The following LYRM4 variants were observed in gnomAD, a reference collection of about 807,000 sequenced individuals.
LYRM4 encodes the protein LYR motif-containing protein 4.
In LYRM4, 9 loss-of-function variants were observed where a neutral mutation model predicts 11.7. The ratio of observed to expected loss-of-function variants is 0.77; its 90% CI spans 0.46 to 1.34. The LOEUF is 1.34. Among genes scored for constraint, LYRM4 ranks in the 40% most tolerant of loss-of-function variants. The pLI is 0.00. For synonymous variants in LYRM4, 42 were observed against 40.4 expected (o/e 1.04, Z -0.15); for missense variants, 133 against 112.5 (o/e 1.18, Z -0.82).
chr6:5,120,377 T>C (rs1261022500), intron 2 of LYRM4, among the ~76,000 whole-genome samples: 1 of 152,180 alleles, frequency 6.6e-6, no homozygotes, highest in African/African-American at 2.4e-5. Context: ...TGCTTTGTAG[T>C]GTGCCCGGAG....
At chr6:5,160,756 A>C (rs1373087988) in intron 2 of LYRM4, among the ~76,000 whole-genome samples, 1 of 152,130 alleles carries the variant, frequency 6.6e-6, no homozygotes, top group African/African-American at 2.4e-5. Flanking sequence ...CTAATACACC[A>C]GGTAGGGTGG....
chr6:5,181,050 T>G (rs573433055), intron 2 of LYRM4, among the ~76,000 whole-genome samples: 13 of 152,364 alleles, frequency 8.5e-5, no homozygotes, highest in African/African-American at 3.1e-4. Flanking sequence ...TTCATTTAAT[T>G]TTTTGAAAGG....
Position 5,245,114 on chromosome 6 carries a change from ATAT to A in LYRM4, c.86+15531_86+15533del, listed in dbSNP as rs1341957328. ...TAAAAAAAAAAAAAAAAAAAAAAAA[ATAT>A]ATATATATATATATATATATATATA... On this transcript the variant is annotated intron_variant, in intron 1 of 2. Coordinates refer to ENST00000330636, the MANE Select transcript of LYRM4 (RefSeq NM_020408.6). Among the ~76,000 whole-genome samples the A allele has an allele frequency of 4.0e-3, 48 of 12,020 alleles. 2 individuals are homozygous for A. The highest frequency in any genetic ancestry group is 4.9e-3 in the Non-Finnish European group (33 of 6,770). The allele number at this position is 12,020 out of a possible 152,430, so 7.9% of individuals were successfully genotyped here. A position where few individuals can be genotyped will look rare whatever the true frequency, so the allele number is the denominator to read the frequency against.
intron 2 of LYRM4, among the ~76,000 whole-genome samples, chr6:5,190,186 C>T (rs1453176647): frequency 6.6e-6 from 1 of 151,610 alleles, no homozygotes; most frequent in Non-Finnish European, 1.5e-5. Flanking sequence ...ACTGGAGTCT[C>T]AGTAAATTCC....
chr6:5,172,042 T>A (rs1759459740), intron 2 of LYRM4, among the ~76,000 whole-genome samples: 1 of 152,124 alleles, frequency 6.6e-6, no homozygotes, highest in African/African-American at 2.4e-5. Flanking sequence ...CTGGGTCGTG[T>A]CCTTTAGGGA....
At chr6:5,228,975 G>A (rs1451652347) in intron 1 of LYRM4, among the ~76,000 whole-genome samples, 1 of 137,838 alleles carries the variant, frequency 7.3e-6, no homozygotes. Context: ...CTGCACTCCA[G>A]CCTGGGCGAC....
the LYRM4 span, among the ~76,000 whole-genome samples, chr6:5,055,629 G>A: frequency 5.9e-5 from 9 of 152,134 alleles, no homozygotes; most frequent in South Asian, 2.1e-4. The surrounding 1 kb of genome is among the most constrained non-coding windows in gnomAD (Gnocchi z 4.5). Context: ...AGTGTTTCAC[G>A]TTCTTGACTG....
intron 2 of LYRM4, among the ~76,000 whole-genome samples, chr6:5,154,328 A>G (rs1455917401): frequency 1.3e-5 from 2 of 152,220 alleles, no homozygotes; most frequent in Non-Finnish European, 2.9e-5. Context: ...CTGTGTCTAT[A>G]GGAGTCTGAT....
the LYRM4 span, chr6:5,087,281 C>T: frequency 2.0e-5 from 3 of 152,152 alleles, no homozygotes; most frequent in Non-Finnish European, 4.4e-5. Flanking sequence ...GGCAGTCGGC[C>T]GATCTTTGTC....
the LYRM4 span, among the ~76,000 whole-genome samples, chr6:5,042,059 T>G: frequency 1.3e-4 from 20 of 152,180 alleles, no homozygotes; most frequent in Non-Finnish European, 7.3e-5. Flanking sequence ...TAAGATGCAA[T>G]TGTATGAACT....
the LYRM4 span, among the ~76,000 whole-genome samples, chr6:5,057,588 G>A: frequency 1.6e-3 from 249 of 152,014 alleles, 3 homozygotes; most frequent in East Asian, 0.014. Context: ...GTATGATGGC[G>A]CCTGTAATCC....
the LYRM4 span, among the ~76,000 whole-genome samples, chr6:5,051,698 T>C: frequency 1.3e-5 from 2 of 152,218 alleles, no homozygotes; most frequent in Non-Finnish European, 2.9e-5. Context: ...TGTGTTGCTA[T>C]AAAGAATGCC....
intron 2 of LYRM4, among the ~76,000 whole-genome samples, chr6:5,145,113 A>T (rs1757645483): frequency 6.6e-6 from 1 of 152,226 alleles, no homozygotes; most frequent in African/African-American, 2.4e-5. Flanking sequence ...TCCCTGTGGA[A>T]AACACCAACC....
At chr6:5,116,157 C>T (rs1561806225) in intron 2 of LYRM4, among the ~76,000 whole-genome samples, 1 of 152,194 alleles carries the variant, frequency 6.6e-6, no homozygotes, top group Non-Finnish European at 1.5e-5. Context: ...CTACAGAGTG[C>T]TCTGATGGTA....
At chr6:5,191,924 G>A (rs577370743) in intron 2 of LYRM4, among the ~76,000 whole-genome samples, 1 of 152,212 alleles carries the variant, frequency 6.6e-6, no homozygotes, top group Admixed American at 6.5e-5. Context: ...TGCTTATTAT[G>A]AATGTAACCT....
chr6:5,042,787 T>A, the LYRM4 span: 1 of 152,642 alleles, frequency 6.6e-6, no homozygotes, highest in Non-Finnish European at 1.5e-5. Context: ...GCTTTTCTTC[T>A]TTTGAATTAG....
chr6:5,121,374 G>A (rs1336247505), intron 2 of LYRM4, among the ~76,000 whole-genome samples: 1 of 152,130 alleles, frequency 6.6e-6, no homozygotes, highest in Non-Finnish European at 1.5e-5. Flanking sequence ...TCTATCTGCT[G>A]GTCTAGACCA....
At chr6:5,214,467 G>A (rs1006040957) in intron 2 of LYRM4, among the ~76,000 whole-genome samples, 7 of 152,180 alleles carry the variant, frequency 4.6e-5, no homozygotes, top group Non-Finnish European at 1.0e-4. Context: ...AGGGTGTCAC[G>A]AAGCAAGAGC....
the LYRM4 span, among the ~76,000 whole-genome samples, chr6:5,057,187 C>A: frequency 4.0e-5 from 6 of 151,642 alleles, no homozygotes; most frequent in Admixed American, 3.9e-4. Context: ...TCAACCCAAC[C>A]CCCCTTTCCC....
Sources: gnomAD v4.1 joint callset for allele counts (sites outside exome capture counted in the v4.1 genomes callset) on GRCh38, gnomAD v4.1.1 for gene constraint, Gnocchi (gnomAD v3.1) non-coding constraint, MANE v1.5 for transcripts, NCBI Gene and HGNC (gene_info 2026-07-23, HGNC 2026-07-21) for gene names.